Variants in LRMDA observed in about 807,000 individuals in gnomAD.
The protein encoded by LRMDA is leucine rich melanocyte differentiation associated.
LRMDA carries 18 observed loss-of-function variants against 29.8 expected under a neutral mutation model. The ratio of observed to expected loss-of-function variants is 0.60; its 90% CI spans 0.42 to 0.90. The LOEUF is 0.90. Ranked by LOEUF, LRMDA falls within the 40% of genes least tolerant of loss-of-function variation. The probability of loss-of-function intolerance (pLI) is 0.00; values close to 1 mark genes in which losing one functional copy is unlikely to be tolerated. For synonymous variants in LRMDA, 125 were observed against 109.4 expected (o/e 1.14, Z -0.89); for missense variants, 273 against 273.9 (o/e 1.00, Z 0.02).
chr10:75,747,713 T>G (rs1842905782), intron 2 of LRMDA, among the ~76,000 whole-genome samples: 1 of 152,170 alleles, frequency 6.6e-6, no homozygotes, highest in African/African-American at 2.4e-5. Context: ...TAGAGGAAGC[T>G]TCAGAATCTA....
chr10:76,063,624 G>C (rs1311036686), intron 5 of LRMDA, among the ~76,000 whole-genome samples: 1 of 152,104 alleles, frequency 6.6e-6, no homozygotes, highest in African/African-American at 2.4e-5. Context: ...GAGGGAGGGA[G>C]ATGCCCTGTG....
intron 2 of LRMDA, among the ~76,000 whole-genome samples, chr10:75,717,601 G>A (rs1842517435): frequency 6.6e-6 from 1 of 152,190 alleles, no homozygotes; most frequent in African/African-American, 2.4e-5. Flanking sequence ...CAGGAGGCAA[G>A]GAGGGTGATG....
At chr10:76,545,623 G>A (rs905836503) in intron 6 of LRMDA, among the ~76,000 whole-genome samples, 1 of 144,272 alleles carries the variant, frequency 6.9e-6, no homozygotes, top group Non-Finnish European at 1.5e-5. Flanking sequence ...TTTAGATAAA[G>A]AGCTGGAACA....
At chr10:75,574,256 C>A (rs1328064990) in intron 2 of LRMDA, among the ~76,000 whole-genome samples, 1 of 152,160 alleles carries the variant, frequency 6.6e-6, no homozygotes. Context: ...TCTTTTCCCA[C>A]TTACTTGGTA....
chr10:76,468,674 A>G (rs1365451848), intron 6 of LRMDA, among the ~76,000 whole-genome samples: 1 of 152,250 alleles, frequency 6.6e-6, no homozygotes, highest in Non-Finnish European at 1.5e-5. Flanking sequence ...ATCTGACAAT[A>G]GCTATCCTTT....
intron 5 of LRMDA, among the ~76,000 whole-genome samples, chr10:76,097,212 T>C (rs997647711): frequency 2.0e-5 from 3 of 152,148 alleles, no homozygotes; most frequent in African/African-American, 7.2e-5. Flanking sequence ...GGTTTCACCA[T>C]GTTGGCCAGG....
At chr10:75,858,257 G>A (rs1357784473) in intron 2 of LRMDA, among the ~76,000 whole-genome samples, 1 of 152,222 alleles carries the variant, frequency 6.6e-6, no homozygotes, top group East Asian at 1.9e-4. Context: ...TGCAGCTCAT[G>A]CTAGGCCCGG....
intron 5 of LRMDA, among the ~76,000 whole-genome samples, chr10:76,188,809 A>C (rs1851192286): frequency 6.6e-6 from 1 of 152,136 alleles, no homozygotes; most frequent in Non-Finnish European, 1.5e-5. Flanking sequence ...TGTTACAAAG[A>C]ATAAAGTAAT....
chr10:76,519,600 C>T (rs1473307246), intron 6 of LRMDA, among the ~76,000 whole-genome samples: 6 of 152,072 alleles, frequency 3.9e-5, no homozygotes, highest in Admixed American at 1.3e-4. Context: ...GTTTGATATA[C>T]GGTGACAGCT....
At chr10:76,381,374 A>C (rs1355344320) in intron 6 of LRMDA, among the ~76,000 whole-genome samples, 1 of 152,190 alleles carries the variant, frequency 6.6e-6, no homozygotes, top group Non-Finnish European at 1.5e-5. Flanking sequence ...AGGAGAATTG[A>C]CAATAGTCCA....
At position 75,635,314 on chromosome 10, in the gene LRMDA, C is replaced by T. The variant is rs180717363; in HGVS notation, c.131+196820C>T. Among the ~76,000 whole-genome samples, 127 of 152,168 alleles carry T rather than the reference C, an allele frequency of 8.3e-4. 1 individual carries two copies. The highest frequency in any genetic ancestry group is 2.6e-3 in the African/African-American group (106 of 41,524). On this transcript the variant is annotated intron_variant, in intron 2 of 6. Transcript: ENST00000611255. ...TTCAGGCCAGGGTGGACTAGAGCCC[C>T]GAGAATTGTGCCTGAGTGTCTGCAA...
chr10:76,303,211 C>CTT (rs34865373), intron 5 of LRMDA, among the ~76,000 whole-genome samples: 25 of 131,480 alleles, frequency 1.9e-4, no homozygotes, highest in African/African-American at 5.4e-4. Context: ...ACACTCCTCC[C>CTT]TTTTTTTTTT....
At chr10:75,494,322 T>C (rs1388482753) in intron 2 of LRMDA, among the ~76,000 whole-genome samples, 2 of 152,124 alleles carry the variant, frequency 1.3e-5, no homozygotes, top group Non-Finnish European at 1.5e-5. Context: ...ATCTGGGTAG[T>C]TGGGGCTAGT....
intron 2 of LRMDA, among the ~76,000 whole-genome samples, chr10:75,655,054 A>G (rs750141278): frequency 4.6e-5 from 7 of 152,250 alleles, no homozygotes; most frequent in Non-Finnish European, 8.8e-5. Context: ...CTGAAAAGTT[A>G]TGTGTGTTTG....
intron 2 of LRMDA, among the ~76,000 whole-genome samples, chr10:75,579,954 C>T (rs1200321994): frequency 2.0e-5 from 3 of 152,200 alleles, no homozygotes; most frequent in Non-Finnish European, 4.4e-5. Flanking sequence ...GGCAAACCCA[C>T]AGCCAATATC....
intron 5 of LRMDA, among the ~76,000 whole-genome samples, chr10:76,140,411 G>A (rs1193153457): frequency 6.6e-6 from 1 of 152,012 alleles, no homozygotes; most frequent in Non-Finnish European, 1.5e-5. Flanking sequence ...CCCAGTATAT[G>A]TCTCCCTCCA....
intron 6 of LRMDA, among the ~76,000 whole-genome samples, chr10:76,419,365 T>C (rs1430478809): frequency 6.6e-6 from 1 of 152,114 alleles, no homozygotes; most frequent in Non-Finnish European, 1.5e-5. Flanking sequence ...ATTAGCTTTT[T>C]TTCAGTTGGT....
At chr10:75,454,331 G>A (rs768047244) in intron 2 of LRMDA, among the ~76,000 whole-genome samples, 11 of 152,140 alleles carry the variant, frequency 7.2e-5, no homozygotes, top group Non-Finnish European at 8.8e-5. Flanking sequence ...GAGGAATTCT[G>A]GCTTCTGCAA....
intron 6 of LRMDA, among the ~76,000 whole-genome samples, chr10:76,411,138 A>G (rs1841956786): frequency 6.6e-6 from 1 of 152,188 alleles, no homozygotes; most frequent in Admixed American, 6.5e-5. Context: ...CTTGAGTACT[A>G]TTTTATTAGA....
Sources: allele counts gnomAD v4.1 joint callset (sites outside exome capture counted in the v4.1 genomes callset), GRCh38; gene constraint gnomAD v4.1.1; transcripts MANE v1.5; gene names NCBI Gene and HGNC (gene_info 2026-07-23, HGNC 2026-07-21).